Variants in CRB1 observed in about 807,000 individuals in gnomAD.
The protein encoded by CRB1 is protein crumbs homolog 1.
A neutral mutation model predicts 120.0 loss-of-function variants in CRB1; 83 were observed. The observed-to-expected ratio is 0.69, with a 90% CI of 0.58 to 0.83. The LOEUF (loss-of-function observed/expected upper bound fraction) is 0.83, where lower values mean the gene tolerates loss of function less well. CRB1 is among the 40% of genes least tolerant of loss of function. The pLI is 0.00. For missense variants in CRB1, 1,699 were observed against 1,687.6 expected, an observed-to-expected ratio of 1.01 and a Z score of -0.12; for synonymous variants, 625 against 612.5, an observed-to-expected ratio of 1.02 and a Z score of -0.30.
chr1:197,339,342 C>T (rs1659329231), intron 2 of CRB1, among the ~76,000 whole-genome samples: 1 of 152,180 alleles, frequency 6.6e-6, no homozygotes, highest in Non-Finnish European at 1.5e-5. Context: ...AAACCGAATG[C>T]TACAGTTCCA....
intron 5 of CRB1, among the ~76,000 whole-genome samples, chr1:197,390,712 A>T (rs953428214): frequency 6.6e-6 from 1 of 152,034 alleles, no homozygotes; most frequent in Non-Finnish European, 1.5e-5. Context: ...AAAGACGTGA[A>T]TTTTTTTAAT....
intron 11 of CRB1, chr1:197,442,825 C>CA (rs2125515069): frequency 9.8e-6 from 2 of 204,708 alleles, no homozygotes; most frequent in Admixed American, 1.1e-4. Flanking sequence ...ATTTATGACA[C>CA]AAAAATTGAG....
chr1:197,405,183 C>A (rs1040150777), intron 5 of CRB1, among the ~76,000 whole-genome samples: 1 of 150,434 alleles, frequency 6.6e-6, no homozygotes, highest in Non-Finnish European at 1.5e-5. Flanking sequence ...CTGCCTGATT[C>A]TCCTGCCTTA....
At chr1:197,365,459 T>A (rs1468846691) in intron 5 of CRB1, among the ~76,000 whole-genome samples, 24 of 152,042 alleles carry the variant, frequency 1.6e-4, no homozygotes, top group Non-Finnish European at 1.5e-5. Flanking sequence ...GGTAGCATAA[T>A]TCCTTTTGCC....
rs751201535 is a variant in CRB1, at chr1:197,478,042, G to A, written c.*163G>A. 5.7e-5 allele frequency: 42 copies of A among 731,300 alleles called. No individual in the cohort carries two copies. The highest frequency in any genetic ancestry group is 1.1e-4 in the Admixed American group (5 of 47,082). 45.3% of individuals were successfully genotyped at this position (731,300 alleles called of 1,614,324 possible). On this transcript the variant is annotated 3_prime_UTR_variant, in exon 12 of 12. Transcript: ENST00000367400. Reference sequence around the variant, plus strand: ...CCTTAAAAACTTTCACAGTGGTTCCGCTCGACACCATTGTTTTATTATATT... The same window carrying A: ...CCTTAAAAACTTTCACAGTGGTTCCACTCGACACCATTGTTTTATTATATT...
At chr1:197,284,983 G>T (rs1371524116) in intron 1 of CRB1, among the ~76,000 whole-genome samples, 1 of 151,962 alleles carries the variant, frequency 6.6e-6, no homozygotes, top group Non-Finnish European at 1.5e-5. Context: ...CAGGTCAGTG[G>T]TTATCATAGA....
intron 1 of CRB1, among the ~76,000 whole-genome samples, chr1:197,305,827 G>A (rs1318392172): frequency 1.3e-5 from 2 of 148,252 alleles, no homozygotes; most frequent in Non-Finnish European, 3.0e-5. Context: ...ATATTTTAAA[G>A]AATGTAATAC....
chr1:197,323,914 C>A (rs1658348351), intron 1 of CRB1, among the ~76,000 whole-genome samples: 1 of 152,074 alleles, frequency 6.6e-6, no homozygotes, highest in African/African-American at 2.4e-5. Flanking sequence ...ACCGGCAGGA[C>A]CTGATTTCAT....
chr1:197,252,453 A>C, the CRB1 span, among the ~76,000 whole-genome samples: 1 of 145,910 alleles, frequency 6.9e-6, no homozygotes, highest in Admixed American at 6.9e-5. Flanking sequence ...ACTAAGCTAG[A>C]ATTATCATTC....
intron 5 of CRB1, among the ~76,000 whole-genome samples, chr1:197,379,605 CA>C (rs75820081): frequency 0.022 from 1,647 of 74,424 alleles, 4 homozygotes; most frequent in African/African-American, 0.063. Flanking sequence ...CGGCCCCGGC[CA>C]AAAAAAAAAA....
intron 2 of CRB1, among the ~76,000 whole-genome samples, chr1:197,330,247 T>G (rs187255678): frequency 7.9e-4 from 121 of 152,324 alleles, no homozygotes; most frequent in Middle Eastern, 3.4e-3. Context: ...TCATCCATTC[T>G]TTTCCTTGGT....
At chr1:197,366,912 T>C (rs1048665885) in intron 5 of CRB1, among the ~76,000 whole-genome samples, 1 of 152,092 alleles carries the variant, frequency 6.6e-6, no homozygotes, top group Non-Finnish European at 1.5e-5. Flanking sequence ...TTCTCCAAAA[T>C]CATTTCAAAA....
chr1:197,308,350 A>C (rs1657297563), intron 1 of CRB1, among the ~76,000 whole-genome samples: 1 of 152,070 alleles, frequency 6.6e-6, no homozygotes. Flanking sequence ...TGGGATCCTT[A>C]CTCCAGTCCT....
At chr1:197,210,224 A>G in the CRB1 span, among the ~76,000 whole-genome samples, 1 of 152,184 alleles carries the variant, frequency 6.6e-6, no homozygotes. Flanking sequence ...CAACTTGGCT[A>G]GGCTGTGGTG....
At chr1:197,383,630 A>G (rs895161464) in intron 5 of CRB1, among the ~76,000 whole-genome samples, 1 of 152,206 alleles carries the variant, frequency 6.6e-6, no homozygotes, top group African/African-American at 2.4e-5. Context: ...CCTGTTGAAC[A>G]CTGTGACGTA....
intron 5 of CRB1, among the ~76,000 whole-genome samples, chr1:197,403,844 C>T (rs1031087620): frequency 6.6e-6 from 1 of 152,100 alleles, no homozygotes; most frequent in Admixed American, 6.5e-5. Flanking sequence ...ACAACCAGAC[C>T]TAGTGTTTGC....
chr1:197,248,190 C>T, the CRB1 span, among the ~76,000 whole-genome samples: 931 of 151,936 alleles, frequency 6.1e-3, 10 homozygotes, highest in African/African-American at 0.02. Context: ...TACTGAGTTC[C>T]GAGGTTTGTG....
chr1:197,448,729 T>C (rs935693598), intron 11 of CRB1, among the ~76,000 whole-genome samples: 6 of 152,186 alleles, frequency 3.9e-5, no homozygotes, highest in African/African-American at 1.4e-4. Context: ...CAGGAAAAGC[T>C]TACTATTTTA....
intron 6 of CRB1, among the ~76,000 whole-genome samples, chr1:197,425,071 G>C (rs944007059): frequency 6.6e-6 from 1 of 152,146 alleles, no homozygotes; most frequent in Non-Finnish European, 1.5e-5. Flanking sequence ...GATGCTGAAG[G>C]CATCCTGGGA....
Sources: allele counts gnomAD v4.1 joint callset (sites outside exome capture counted in the v4.1 genomes callset), GRCh38; gene constraint gnomAD v4.1.1; transcripts MANE v1.5; gene names NCBI Gene and HGNC (gene_info 2026-07-23, HGNC 2026-07-21).